SLC4A4: variants seen among roughly 807,000 people sequenced by gnomAD.
The protein encoded by SLC4A4 is electrogenic sodium bicarbonate cotransporter 1.
A neutral mutation model predicts 111.5 loss-of-function variants in SLC4A4; 27 were observed. The ratio of observed to expected loss-of-function variants is 0.24; its 90% CI spans 0.18 to 0.33. SLC4A4 has a LOEUF of 0.33. Ranked by LOEUF, SLC4A4 falls within the 10% of genes least tolerant of loss-of-function variation. The pLI, the probability that SLC4A4 is intolerant of heterozygous loss-of-function variation, is 1.00. For missense variants in SLC4A4, 909 were observed against 1,315.5 expected, an observed-to-expected ratio of 0.69 and a Z score of 4.78; for synonymous variants, 443 against 463.4, an observed-to-expected ratio of 0.96 and a Z score of 0.57.
intron 2 of SLC4A4, among the ~76,000 whole-genome samples, chr4:71,180,124 G>A (rs539397219): frequency 2.4e-4 from 36 of 152,274 alleles, no homozygotes; most frequent in Non-Finnish European, 7.3e-5. Context: ...TTAATAAATG[G>A]TGCTGGGAAA....
intron 2 of SLC4A4, among the ~76,000 whole-genome samples, chr4:71,111,685 C>T (rs1743093747): frequency 6.7e-6 from 1 of 148,258 alleles, no homozygotes; most frequent in Admixed American, 6.8e-5. Context: ...CTGTGCCTGG[C>T]CGCTAAATTT....
Position 71,571,904 on chromosome 4 carries a change from T to C in SLC4A4, c.*4153T>C, listed in dbSNP as rs1011154021. 1 of 152,300 alleles carries C rather than the reference T, an allele frequency of 6.6e-6. No homozygotes were observed. The highest frequency in any genetic ancestry group is 1.5e-5 in the Non-Finnish European group (1 of 67,904). The allele number at this position is 152,300 out of a possible 1,614,324, so 9.4% of individuals were successfully genotyped here. A position where few individuals can be genotyped will look rare whatever the true frequency, so the allele number is the denominator to read the frequency against. The stretch of plus-strand genomic sequence containing the variant: ...TGATAAAGAACAGAAAACATTTCAA[T>C]ATATTACTAATAACTTTTTCCAATA... On this transcript the variant is annotated 3_prime_UTR_variant, in exon 26 of 26. Transcript: ENST00000264485.
intron 3 of SLC4A4, among the ~76,000 whole-genome samples, chr4:71,268,196 A>T (rs1722444063): frequency 6.9e-6 from 1 of 145,300 alleles, no homozygotes. Flanking sequence ...TTCATGTACT[A>T]CTCCACTGGC....
At chr4:71,186,561 G>C (rs745445470), upstream of SLC4A4, among the ~76,000 whole-genome samples, 2 of 151,858 alleles carry the variant, frequency 1.3e-5, no homozygotes, top group Non-Finnish European at 2.9e-5. Flanking sequence ...CGCCAGCTCC[G>C]GGCGGGCGCT....
At chr4:71,564,958 AT>A (rs1228794012) in intron 24 of SLC4A4, among the ~76,000 whole-genome samples, 1 of 151,630 alleles carries the variant, frequency 6.6e-6, no homozygotes, top group Non-Finnish European at 1.5e-5. Flanking sequence ...CTCTCATGAG[AT>A]TGCCGTCAGA....
intron 2 of SLC4A4, among the ~76,000 whole-genome samples, chr4:71,133,521 G>T (rs1474014619): frequency 6.6e-6 from 1 of 152,194 alleles, no homozygotes; most frequent in Non-Finnish European, 1.5e-5. Context: ...GCCAGCGTGG[G>T]CTTCCTTACA....
intron 1 of SLC4A4, among the ~76,000 whole-genome samples, chr4:71,082,565 A>G (rs1375412247): frequency 1.3e-5 from 2 of 152,100 alleles, no homozygotes; most frequent in Non-Finnish European, 2.9e-5. Flanking sequence ...CTATTTATCT[A>G]TATAAAACAA....
At chr4:71,562,050 G>A (rs553719308) in intron 23 of SLC4A4, among the ~76,000 whole-genome samples, 1 of 151,830 alleles carries the variant, frequency 6.6e-6, no homozygotes, top group East Asian at 2.0e-4. Context: ...GAACTCCTTA[G>A]AAGTTCTTCC....
At chr4:71,202,614 C>A (rs1746311030) in intron 1 of SLC4A4, among the ~76,000 whole-genome samples, 1 of 152,102 alleles carries the variant, frequency 6.6e-6, no homozygotes, top group African/African-American at 2.4e-5. Flanking sequence ...GGAAATAATA[C>A]AACACCTTCT....
intron 7 of SLC4A4, chr4:71,437,382 C>G (rs1325549828): frequency 6.4e-6 from 2 of 313,576 alleles, no homozygotes; most frequent in Non-Finnish European, 1.3e-5. Context: ...AAACTACTAT[C>G]AGTTTGTGGT....
chr4:71,508,867 G>A (rs1030172581), intron 16 of SLC4A4, among the ~76,000 whole-genome samples: 1 of 152,138 alleles, frequency 6.6e-6, no homozygotes. Flanking sequence ...ACAAAATGCT[G>A]GCAAACCAAA....
chr4:71,187,936 G>A (rs1269986888), intron 1 of SLC4A4, among the ~76,000 whole-genome samples: 1 of 152,222 alleles, frequency 6.6e-6, no homozygotes, highest in East Asian at 1.9e-4. Context: ...AAAGGCGGGG[G>A]GTGAGTCAGG....
intron 3 of SLC4A4, among the ~76,000 whole-genome samples, chr4:71,327,202 A>C (rs768369970): frequency 5.9e-5 from 9 of 152,044 alleles, no homozygotes; most frequent in Non-Finnish European, 1.0e-4. Context: ...GTACATTCGC[A>C]AAATGCCTTT....
At chr4:71,376,149 G>GTA (rs576894831) in intron 6 of SLC4A4, among the ~76,000 whole-genome samples, 764 of 53,768 alleles carry the variant, frequency 0.014, 6 homozygotes, top group South Asian at 0.058. Flanking sequence ...ATATATACCT[G>GTA]TATATATACA....
At chr4:71,411,932 CAATT>C (rs765491396) in intron 7 of SLC4A4, among the ~76,000 whole-genome samples, 13 of 152,152 alleles carry the variant, frequency 8.5e-5, no homozygotes, top group Non-Finnish European at 1.6e-4. Flanking sequence ...CGAAGTGTGT[CAATT>C]AATAGCCAGT....
Position 71,152,694 on chromosome 4 carries a change from C to G in SLC4A4, c.-2+59902C>G, listed in dbSNP as rs540731505. On this transcript the variant is annotated intron_variant, in intron 2 of 26. Coordinates refer to the SLC4A4 transcript ENST00000649996. ...AAGGACATTCTTACACATCTCTTGA[C>G]GCACATGTGCATCAGATTCCTAAAA... 3.8e-4 allele frequency among the ~76,000 whole-genome samples: 58 copies of G among 152,188 alleles called. 2 individuals carry two copies. The highest frequency in any genetic ancestry group is 1.0e-3 in the African/African-American group (43 of 41,550).
chr4:71,396,686 A>G (rs976946738), intron 6 of SLC4A4, among the ~76,000 whole-genome samples: 1 of 152,170 alleles, frequency 6.6e-6, no homozygotes, highest in Non-Finnish European at 1.5e-5. Flanking sequence ...CTGCAGAATG[A>G]AAGTTCAGTA....
At chr4:71,464,131 A>G (rs1272114550) in intron 12 of SLC4A4, among the ~76,000 whole-genome samples, 2 of 152,176 alleles carry the variant, frequency 1.3e-5, no homozygotes, top group Non-Finnish European at 2.9e-5. Context: ...AGAAAGATAA[A>G]TTATAAAGAC....
chr4:71,157,795 A>G (rs1262759651), intron 2 of SLC4A4, among the ~76,000 whole-genome samples: 1 of 152,150 alleles, frequency 6.6e-6, no homozygotes, highest in African/African-American at 2.4e-5. Flanking sequence ...AGAAGGGAGA[A>G]ATGATGAAAC....
Sources: allele counts gnomAD v4.1 joint callset (sites outside exome capture counted in the v4.1 genomes callset), GRCh38; gene constraint gnomAD v4.1.1; transcripts MANE v1.5; gene names NCBI Gene and HGNC (gene_info 2026-07-23, HGNC 2026-07-21).